DIAPH2: variants seen among roughly 807,000 people sequenced by gnomAD.
DIAPH2 encodes diaphanous related formin 2, also known as protein diaphanous homolog 2.
In DIAPH2, 35 loss-of-function variants were observed where a neutral mutation model predicts 92.7. The ratio of observed to expected loss-of-function variants is 0.38; its 90% CI spans 0.29 to 0.50. DIAPH2 has a LOEUF of 0.50. DIAPH2 is among the 20% of genes least tolerant of loss of function. The pLI, the probability that DIAPH2 is intolerant of heterozygous loss-of-function variation, is 0.94. For synonymous variants in DIAPH2, 301 were observed against 280.4 expected (o/e 1.07, Z -0.73); for missense variants, 701 against 819.5 (o/e 0.86, Z 1.77).
At position 97,271,545 on chromosome X, in the gene DIAPH2, T is replaced by C. The variant is rs770542679; in HGVS notation, c.2844+23706T>C. Reference sequence around the variant, plus strand: ...CTCTTTTTGAAAAGATTCACTGTTATCAACTGAGAACCTCTCCACCACCAT... The same window carrying C: ...CTCTTTTTGAAAAGATTCACTGTTACCAACTGAGAACCTCTCCACCACCAT... On this transcript the variant is annotated intron_variant, in intron 23 of 26. Coordinates refer to ENST00000324765, the MANE Select transcript of DIAPH2 (RefSeq NM_006729.5). Among the ~76,000 whole-genome samples the C allele has an allele frequency of 1.2e-4, 13 of 111,367 alleles. No homozygotes were observed. In the East Asian group the frequency reaches 3.1e-3, roughly 27 times the overall value.
intron 2 of DIAPH2, 96 bp from the exon 3 acceptor site, chrX:96,738,490 T>C: frequency 1.5e-6 from 1 of 660,302 alleles, no homozygotes; most frequent in Non-Finnish European, 2.3e-6. Flanking sequence ...TAATGATATG[T>C]ATTATACTAA....
intron 26 of DIAPH2, among the ~76,000 whole-genome samples, chrX:97,453,132 C>G (rs1177731539): frequency 9.0e-6 from 1 of 110,996 alleles, no homozygotes; most frequent in East Asian, 2.8e-4. Flanking sequence ...TCATATTATA[C>G]TGTATACAAA....
intron 21 of DIAPH2, 73 bp downstream of exon 21, chrX:97,115,038 C>T: frequency 1.0e-6 from 1 of 997,658 alleles, no homozygotes; most frequent in Non-Finnish European, 1.3e-6. Flanking sequence ...CTGCAAATAG[C>T]AATCGTACAT....
intron 17 of DIAPH2, among the ~76,000 whole-genome samples, chrX:97,044,373 C>T (rs1285642772): frequency 9.0e-6 from 1 of 110,729 alleles, no homozygotes; most frequent in Non-Finnish European, 1.9e-5. Context: ...CATGCCTCAC[C>T]TCTAAATCCC....
At chrX:97,207,943 G>A (rs2067811008) in intron 22 of DIAPH2, among the ~76,000 whole-genome samples, 3 of 111,410 alleles carry the variant, frequency 2.7e-5, no homozygotes, top group African/African-American at 9.8e-5. Context: ...CACGAGGTCA[G>A]GAGTTCGAGA....
intron 4 of DIAPH2, among the ~76,000 whole-genome samples, chrX:96,827,333 T>G (rs979284712): frequency 2.7e-5 from 3 of 112,211 alleles, no homozygotes; most frequent in African/African-American, 9.7e-5. Flanking sequence ...GCTAAAGATT[T>G]AAAGAGAAAA....
At chrX:96,865,081 T>C (rs1205961203) in intron 4 of DIAPH2, among the ~76,000 whole-genome samples, 1 of 112,255 alleles carries the variant, frequency 8.9e-6, no homozygotes, top group East Asian at 2.8e-4. Flanking sequence ...CCCCAGTTTA[T>C]TAAGAACCTA....
chrX:96,940,372 G>A (rs1010443072), intron 12 of DIAPH2, among the ~76,000 whole-genome samples: 2 of 111,593 alleles, frequency 1.8e-5, no homozygotes, highest in African/African-American at 3.3e-5. Context: ...GGAATATATC[G>A]GAAAACCACA....
intron 24 of DIAPH2, among the ~76,000 whole-genome samples, chrX:97,366,424 T>A (rs2069382064): frequency 8.9e-6 from 1 of 112,192 alleles, no homozygotes; most frequent in Non-Finnish European, 1.9e-5. Context: ...AATCCCAAAG[T>A]GAGCTATATT....
intron 19 of DIAPH2, among the ~76,000 whole-genome samples, chrX:97,088,935 A>G (rs915443492): frequency 2.7e-5 from 3 of 111,239 alleles, no homozygotes; most frequent in African/African-American, 9.8e-5. Flanking sequence ...ACCCAAGAGA[A>G]TACTGATGGT....
chrX:97,324,802 G>A (rs1158687453), intron 23 of DIAPH2, among the ~76,000 whole-genome samples: 1 of 110,995 alleles, frequency 9.0e-6, no homozygotes, highest in Non-Finnish European at 1.9e-5. Flanking sequence ...TATTTTTCTT[G>A]TCTTTTTTTT....
intron 13 of DIAPH2, among the ~76,000 whole-genome samples, chrX:96,942,782 G>T (rs756198824): frequency 3.6e-5 from 4 of 111,388 alleles, no homozygotes; most frequent in African/African-American, 9.7e-5. Context: ...AATGTGCTAT[G>T]CTATCTAGCC....
At chrX:96,954,008 A>G (rs1055365274) in intron 15 of DIAPH2, 4 of 111,793 alleles carry the variant, frequency 3.6e-5, no homozygotes, top group Non-Finnish European at 7.5e-5. Context: ...AAAAACACCC[A>G]TTGTAGAATC....
At chrX:97,385,858 T>C (rs1341368235) in intron 25 of DIAPH2, among the ~76,000 whole-genome samples, 1 of 112,241 alleles carries the variant, frequency 8.9e-6, no homozygotes, top group Non-Finnish European at 1.9e-5. Context: ...TACTATCTCA[T>C]TTTAAAATGA....
chrX:97,277,739 T>C (rs867221671), intron 23 of DIAPH2, among the ~76,000 whole-genome samples: 39 of 112,142 alleles, frequency 3.5e-4, no homozygotes, highest in South Asian at 7.5e-4. Flanking sequence ...TGAATGTTGA[T>C]TGTCAGGGAA....
chrX:96,893,912 G>C (rs1423230243), intron 5 of DIAPH2, among the ~76,000 whole-genome samples: 1 of 112,163 alleles, frequency 8.9e-6, no homozygotes, highest in Non-Finnish European at 1.9e-5. Context: ...GTAGATAATG[G>C]ACAGCTAATT....
intron 24 of DIAPH2, among the ~76,000 whole-genome samples, chrX:97,368,300 C>T (rs778832348): frequency 3.1e-4 from 34 of 111,329 alleles, no homozygotes; most frequent in African/African-American, 1.1e-3. Flanking sequence ...TAGTTATATC[C>T]CTTAATTCAA....
chrX:96,848,105 T>C (rs1315282515), intron 4 of DIAPH2, among the ~76,000 whole-genome samples: 1 of 110,626 alleles, frequency 9.0e-6, no homozygotes, highest in Non-Finnish European at 1.9e-5. Context: ...AATGGCGCAA[T>C]CATAGCTCAC....
chrX:97,301,429 A>G lies in DIAPH2; in HGVS notation c.2845-46687A>G, dbSNP rs933144607. On this transcript the variant is annotated intron_variant, in intron 23 of 26. Transcript: ENST00000324765. ...TTGTTTATAACAACAAATAAAGCGA[A>G]GTATTCAAAATGGCTTGTAGCAAGG... 3.4e-4 allele frequency among the ~76,000 whole-genome samples: 38 copies of G among 111,575 alleles called. 1 individual carries two copies. Among genetic ancestry groups the G allele is most frequent in the African/African-American group, 1.2e-3 (38 of 30,492 alleles).
Sources: allele counts gnomAD v4.1 joint callset (sites outside exome capture counted in the v4.1 genomes callset), GRCh38; gene constraint gnomAD v4.1.1; transcripts MANE v1.5; gene names NCBI Gene and HGNC (gene_info 2026-07-23, HGNC 2026-07-21).